The following CCDC171 variants were observed in gnomAD, a reference collection of about 807,000 sequenced individuals.
CCDC171 encodes coiled-coil domain containing 171, also known as coiled-coil domain-containing protein 171.
A neutral mutation model predicts 168.2 loss-of-function variants in CCDC171; 177 were observed. The observed-to-expected ratio is 1.05, with a 90% CI of 0.93 to 1.19. The LOEUF is 1.19. CCDC171 is among the 50% of genes most tolerant of loss of function. The pLI, the probability that CCDC171 is intolerant of heterozygous loss-of-function variation, is 0.00. For synonymous variants in CCDC171, 687 were observed against 540.8 expected, an observed-to-expected ratio of 1.27 and a Z score of -3.75; for missense variants, 1,991 against 1,539.0, an observed-to-expected ratio of 1.29 and a Z score of -4.91.
At chr9:15,713,371 G>A (rs968548080) in intron 11 of CCDC171, among the ~76,000 whole-genome samples, 2 of 151,884 alleles carry the variant, frequency 1.3e-5, no homozygotes, top group Middle Eastern at 3.2e-3. Context: ...TGCATCCAAG[G>A]TGTGGGTTAA....
intron 11 of CCDC171, among the ~76,000 whole-genome samples, chr9:15,706,113 A>T (rs899836465): frequency 6.6e-6 from 1 of 152,146 alleles, no homozygotes; most frequent in Non-Finnish European, 1.5e-5. Context: ...CTATCAACTA[A>T]AATTGAAGCA....
intron 7 of CCDC171, among the ~76,000 whole-genome samples, chr9:15,624,352 T>G (rs1250588248): frequency 6.6e-6 from 1 of 152,214 alleles, no homozygotes; most frequent in Non-Finnish European, 1.5e-5. Flanking sequence ...CTAGGGTACA[T>G]GTGCACAACA....
chr9:16,039,899 T>C (rs558115013), upstream of CCDC171, among the ~76,000 whole-genome samples: 18 of 152,134 alleles, frequency 1.2e-4, 1 homozygote, highest in South Asian at 3.5e-3. Context: ...GTTCATTCTA[T>C]TGCCAGAAGG....
chr9:16,092,414 T>C, the CCDC171 span, among the ~76,000 whole-genome samples: 1 of 152,184 alleles, frequency 6.6e-6, no homozygotes, highest in African/African-American at 2.4e-5. Context: ...ACAGAGTTGC[T>C]GAGATGCGCT....
intron 25 of CCDC171, among the ~76,000 whole-genome samples, chr9:15,955,941 A>G (rs1457040773): frequency 6.6e-6 from 1 of 152,162 alleles, no homozygotes; most frequent in Non-Finnish European, 1.5e-5. Context: ...CTGTGTGAGG[A>G]CAGTAACAGT....
chr9:15,857,314 A>G lies in CCDC171; in HGVS notation c.3468+8367A>G, dbSNP rs183112334. On this transcript the variant is annotated intron_variant, in intron 23 of 25. Transcript: ENST00000380701. ...TGAAATCGTTGCAAAGGCTAATGTC[A>G]TGAAGTTTCTCCTCTATGTCTTGTT... 6.9e-4 allele frequency among the ~76,000 whole-genome samples: 105 copies of G among 152,100 alleles called. 2 individuals carry two copies. The highest frequency in any genetic ancestry group is 3.4e-3 in the Middle Eastern group (1 of 294).
chr9:15,738,986 T>C (rs2054670732), intron 16 of CCDC171, among the ~76,000 whole-genome samples: 1 of 152,188 alleles, frequency 6.6e-6, no homozygotes, highest in African/African-American at 2.4e-5. Context: ...CTACAGAGTA[T>C]AGAGCACTGT....
intron 8 of CCDC171, among the ~76,000 whole-genome samples, chr9:15,662,163 G>T (rs1364914276): frequency 6.6e-6 from 1 of 152,170 alleles, no homozygotes; most frequent in Non-Finnish European, 1.5e-5. Flanking sequence ...TGTAGTCCCA[G>T]CTACTCTGGA....
At chr9:15,680,230 G>C (rs2049948759) in intron 10 of CCDC171, among the ~76,000 whole-genome samples, 1 of 152,188 alleles carries the variant, frequency 6.6e-6, no homozygotes, top group African/African-American at 2.4e-5. Context: ...GGATTTATTT[G>C]GTTGATGCAG....
intron 24 of CCDC171, chr9:15,883,067 T>C (rs929810883): frequency 2.1e-5 from 8 of 383,264 alleles, no homozygotes; most frequent in Non-Finnish European, 4.0e-5. Flanking sequence ...CTTCCTCTGT[T>C]GCTCAGGTTA....
intron 24 of CCDC171, among the ~76,000 whole-genome samples, chr9:15,896,101 C>T (rs1422475890): frequency 6.6e-6 from 1 of 151,896 alleles, no homozygotes; most frequent in Non-Finnish European, 1.5e-5. Flanking sequence ...TTTGCTCTTT[C>T]TTTACAGTAA....
chr9:15,903,728 C>T (rs145877518), intron 24 of CCDC171, among the ~76,000 whole-genome samples: 1,725 of 152,204 alleles, frequency 0.011, 37 homozygotes, highest in African/African-American at 0.039. Context: ...CAAACTACTC[C>T]GAGCTAAAGG....
chr9:15,868,460 GTAA>G (rs1417357422), intron 23 of CCDC171, among the ~76,000 whole-genome samples: 2 of 150,478 alleles, frequency 1.3e-5, no homozygotes, highest in Non-Finnish European at 3.0e-5. Flanking sequence ...GTTTCTTAGT[GTAA>G]TAATTGTGTT....
At chr9:15,578,089 ATATT>A (rs1487793767) in intron 3 of CCDC171, among the ~76,000 whole-genome samples, 2 of 152,194 alleles carry the variant, frequency 1.3e-5, no homozygotes, top group Non-Finnish European at 2.9e-5. Flanking sequence ...AATACAGACA[ATATT>A]TATTAAACTA....
At chr9:15,786,412 T>C (rs80149565) in intron 21 of CCDC171, among the ~76,000 whole-genome samples, 2,325 of 152,286 alleles carry the variant, frequency 0.015, 70 homozygotes, top group African/African-American at 0.053. Context: ...TCACCTGATA[T>C]ATCTACCATC....
chr9:15,600,125 T>G (rs997070069), intron 6 of CCDC171, among the ~76,000 whole-genome samples: 12 of 152,212 alleles, frequency 7.9e-5, no homozygotes, highest in Non-Finnish European at 1.5e-4. Flanking sequence ...GTCTGAAGCC[T>G]TCTTCTCTCA....
intron 18 of CCDC171, among the ~76,000 whole-genome samples, chr9:15,749,227 G>A (rs772333751): frequency 2.1e-4 from 32 of 151,876 alleles, no homozygotes; most frequent in Non-Finnish European, 4.4e-4. Context: ...GACAAAGAAG[G>A]CCATTACATA....
chr9:15,944,836 TTTTCTTTC>T (rs1554691551), intron 25 of CCDC171, among the ~76,000 whole-genome samples: 54 of 129,852 alleles, frequency 4.2e-4, no homozygotes, highest in African/African-American at 9.8e-4. Context: ...TTTCTTTCTT[TTTTCTTTC>T]TTTCTTTCTT....
the CCDC171 span, among the ~76,000 whole-genome samples, chr9:16,072,895 A>G: frequency 6.6e-6 from 1 of 152,156 alleles, no homozygotes; most frequent in African/African-American, 2.4e-5. Context: ...GGGGTCCTTA[A>G]ATGCAAGAAC....
Sources: gnomAD v4.1 joint callset for allele counts (sites outside exome capture counted in the v4.1 genomes callset) on GRCh38, gnomAD v4.1.1 for gene constraint, MANE v1.5 for transcripts, NCBI Gene and HGNC (gene_info 2026-07-23, HGNC 2026-07-21) for gene names.